The following MS4A15 variants were observed in gnomAD, a reference collection of about 807,000 sequenced individuals.
MS4A15 encodes the protein membrane-spanning 4-domains subfamily A member 15.
A neutral mutation model predicts 20.6 loss-of-function variants in MS4A15; 22 were observed. The ratio of observed to expected loss-of-function variants is 1.07; its 90% CI spans 0.76 to 1.52. The LOEUF (loss-of-function observed/expected upper bound fraction) is 1.52, where lower values mean the gene tolerates loss of function less well. Ranked by LOEUF, MS4A15 falls within the 40% of genes most tolerant of loss-of-function variation. The pLI is 0.00. For missense variants in MS4A15, 312 were observed against 323.0 expected (o/e 0.97, Z 0.26); for synonymous variants, 129 against 129.3 (o/e 1.00, Z 0.02).
At position 60,763,885 on chromosome 11, in the gene MS4A15, C is replaced by T. The variant is rs1356112250; in HGVS notation, c.152C>T (p.Thr51Ile). 1 of 1,613,050 alleles carries T rather than the reference C, an allele frequency of 6.2e-7. No homozygotes were observed. The highest frequency in any genetic ancestry group is 1.7e-5 in the Admixed American group (1 of 60,030). ...QFEEPPLGAQ[T>I]PRATQPPDLR... Reference sequence around the variant, plus strand: ...GAGGAGCCACCGCTGGGGGCACAGACACCAAGGGCCACACAGCCACCTGAC... The same window carrying T: ...GAGGAGCCACCGCTGGGGGCACAGATACCAAGGGCCACACAGCCACCTGAC... The change falls in exon 2 of 7, where the codon ACA becomes ATA. Residue 51 changes from threonine (T) to isoleucine (I), a missense_variant. Coordinates refer to ENST00000405633, the MANE Select transcript of MS4A15 (RefSeq NM_001098835.2).
chr11:60,759,557 A>AAAGAGGAAGGCCTCTTTGTGGTTGAGAT (rs1853679869), intron 1 of MS4A15, among the ~76,000 whole-genome samples: 1 of 152,050 alleles, frequency 6.6e-6, no homozygotes, highest in Non-Finnish European at 1.5e-5. Flanking sequence ...AGGATTAGTA[A>AAAGAGGAAGGCCTCTTTGTGGTTGAGAT]AAGAGGAAGG....
chr11:60,773,736 G>A (rs1011591783), intron 5 of MS4A15, 101 bp from the exon 6 acceptor site: 2 of 1,009,558 alleles, frequency 2.0e-6, no homozygotes, highest in South Asian at 1.3e-5. Flanking sequence ...GCACAGCTCT[G>A]CTCCCAACTA....
chr11:60,775,322 A>AAAAAAAG (rs58950981), intron 6 of MS4A15, among the ~76,000 whole-genome samples: 121,607 of 147,618 alleles, frequency 0.82, 50,517 homozygotes, highest in Middle Eastern at 0.94. Context: ...TGTCTCAAAA[A>AAAAAAAG]AAAAAAGAAA....
intron 4 of MS4A15, among the ~76,000 whole-genome samples, chr11:60,772,751 G>A (rs11230472): frequency 0.16 from 23,976 of 152,120 alleles, 2,231 homozygotes; most frequent in Middle Eastern, 0.3. Flanking sequence ...GCACGGGGAT[G>A]GTGACCCCTG....
chr11:60,760,375 C>T (rs1482964755), intron 1 of MS4A15, among the ~76,000 whole-genome samples: 2 of 152,118 alleles, frequency 1.3e-5, no homozygotes, highest in Non-Finnish European at 2.9e-5. Context: ...TCCCCTTTTT[C>T]CTTAGGACTT....
intron 6 of MS4A15, among the ~76,000 whole-genome samples, chr11:60,775,094 TC>T (rs2134734098): frequency 6.6e-6 from 1 of 152,116 alleles, no homozygotes; most frequent in African/African-American, 2.4e-5. Context: ...GGCGGGCAGA[TC>T]ATCTGAGGTC....
intron 1 of MS4A15, 150 bp from the exon 2 acceptor site, chr11:60,763,556 T>G: frequency 1.5e-6 from 1 of 647,074 alleles, no homozygotes; most frequent in Non-Finnish European, 2.6e-6. Flanking sequence ...CTTTCGCTTC[T>G]CTGAGTCTCA....
chr11:60,767,503 C>G (rs1476136491), intron 2 of MS4A15, 30 bp from the exon 3 acceptor site: 2 of 1,486,928 alleles, frequency 1.3e-6, no homozygotes, highest in African/African-American at 1.4e-5. Flanking sequence ...GAACAGGGCC[C>G]GCGGCACTGA....
rs1246547196 is a variant in MS4A15, at chr11:60,773,836, G to A, written c.499-1G>A. Reference sequence around the variant, plus strand: ...ACCTTTCTGTGGGTTTTGGTCCCCAGGATGTGGACAGGGGCTATCTGGCCG... The same window carrying A: ...ACCTTTCTGTGGGTTTTGGTCCCCAAGATGTGGACAGGGGCTATCTGGCCG... On this transcript the variant is annotated splice_acceptor_variant, in intron 5 of 6. Transcript: ENST00000405633. LOFTEE classifies it high-confidence loss of function. 1 of 1,612,892 alleles carries A rather than the reference G, an allele frequency of 6.2e-7. No individual in the cohort carries two copies. Among genetic ancestry groups the A allele is most frequent in the Non-Finnish European group, 8.5e-7 (1 of 1,178,852 alleles).
intron 2 of MS4A15, among the ~76,000 whole-genome samples, chr11:60,766,733 C>T (rs930581123): frequency 1.2e-4 from 18 of 152,198 alleles, no homozygotes; most frequent in Admixed American, 4.6e-4. Flanking sequence ...ATATATTCCA[C>T]GTGATGCTGA....
intron 3 of MS4A15, among the ~76,000 whole-genome samples, chr11:60,769,917 C>T (rs1737609877): frequency 6.6e-6 from 1 of 152,160 alleles, no homozygotes; most frequent in African/African-American, 2.4e-5. Context: ...CTCCGTGTCA[C>T]CCCAGGGCCT....
At position 60,775,776 on chromosome 11, in the gene MS4A15, C is replaced by A; in HGVS notation, c.*61C>A. ...TTTTCCCTCTGGGCCCAGCCTCTCC[C>A]CACCCCCACCTTGTTCATCAGGGGC... is the stretch of plus-strand genomic sequence containing the variant. On this transcript the variant is annotated 3_prime_UTR_variant, in exon 7 of 7. Coordinates refer to ENST00000405633, the MANE Select transcript of MS4A15 (RefSeq NM_001098835.2). 2 of 1,349,710 alleles carry A rather than the reference C, an allele frequency of 1.5e-6. No homozygotes were observed. Among genetic ancestry groups the A allele is most frequent in the South Asian group, 1.3e-5 (1 of 78,908 alleles). 83.6% of individuals were successfully genotyped at this position (1,349,710 alleles called of 1,614,324 possible).
chr11:60,771,475 A>T, intron 4 of MS4A15, 128 bp downstream of exon 4: 1 of 1,546,674 alleles, frequency 6.5e-7, no homozygotes, highest in South Asian at 1.2e-5. Flanking sequence ...GCAAAGTGCC[A>T]GGGGAGGGGC....
At chr11:60,774,026 G>A (rs1854120055) in intron 6 of MS4A15, 76 bp downstream of exon 6, 17 of 1,147,006 alleles carry the variant, frequency 1.5e-5, no homozygotes, top group South Asian at 6.2e-5. Flanking sequence ...GGCTGGGAGC[G>A]CGCTCTGCCT....
intron 3 of MS4A15, among the ~76,000 whole-genome samples, chr11:60,770,975 G>A (rs150190502): frequency 1.2e-3 from 182 of 152,238 alleles, no homozygotes; most frequent in Non-Finnish European, 2.4e-3. Context: ...CCAAACTTCT[G>A]GGATTACAGG....
At chr11:60,759,459 G>A (rs761059117) in intron 1 of MS4A15, among the ~76,000 whole-genome samples, 8 of 152,344 alleles carry the variant, frequency 5.3e-5, no homozygotes, top group Non-Finnish European at 8.8e-5. Context: ...GGTTTCCCCC[G>A]ACTGAGACAG....
At chr11:60,774,212 G>A (rs1854126123) in intron 6 of MS4A15, among the ~76,000 whole-genome samples, 1 of 152,074 alleles carries the variant, frequency 6.6e-6, no homozygotes, top group Non-Finnish European at 1.5e-5. Context: ...TGGAGTTTGA[G>A]ACAAGCCTGG....
In MS4A15 at chr11:60,773,820, T is replaced by G. The variant is rs769221204; in HGVS notation, c.499-17T>G. 6 of 1,606,498 alleles carry G rather than the reference T, an allele frequency of 3.7e-6. No individual in the cohort carries two copies. The African/African-American group carries it at 8.0e-5, about 21-fold the overall frequency. ...CTAGAACTCTGGGCTCACCTTTCTG[T>G]GGGTTTTGGTCCCCAGGATGTGGAC... is the stretch of plus-strand genomic sequence containing the variant. On this transcript the variant is annotated splice_polypyrimidine_tract_variant and intron_variant, in intron 5 of 6. Coordinates refer to ENST00000405633, the MANE Select transcript of MS4A15 (RefSeq NM_001098835.2).
In MS4A15 at chr11:60,763,732, C is replaced by T. The variant is rs377465215; in HGVS notation, c.-2C>T. 13 of 1,611,914 alleles carry T rather than the reference C, an allele frequency of 8.1e-6. No individual in the cohort carries two copies. Among genetic ancestry groups the T allele is most frequent in the Middle Eastern group, 2.2e-4 (1 of 4,488 alleles). On this transcript the variant is annotated 5_prime_UTR_variant, in exon 2 of 7. In the 5' UTR this introduces an upstream ATG that the reference lacks. Coordinates refer to ENST00000405633, the MANE Select transcript of MS4A15 (RefSeq NM_001098835.2). ...CTTTGTTTCCCAGGCTCTCTGAGCA[C>T]GATGTCTGCAGCTCCCGCCAGCAAT...
Sources: allele counts gnomAD v4.1 joint callset (sites outside exome capture counted in the v4.1 genomes callset), GRCh38; gene constraint gnomAD v4.1.1; transcripts MANE v1.5; gene names NCBI Gene and HGNC (gene_info 2026-07-23, HGNC 2026-07-21).